The following BCAS3 variants were observed in gnomAD, a reference collection of about 807,000 sequenced individuals.
BCAS3 encodes BCAS3 microtubule associated cell migration factor.
BCAS3 carries 53 observed loss-of-function variants against 116.1 expected under a neutral mutation model. That is an observed-to-expected ratio of 0.46 (90% confidence interval 0.37 to 0.57). The LOEUF (loss-of-function observed/expected upper bound fraction) is 0.57, where lower values mean the gene tolerates loss of function less well. Among genes scored for constraint, BCAS3 ranks in the 20% least tolerant of loss-of-function variants. BCAS3 has a pLI of 0.00. For synonymous variants in BCAS3, 391 were observed against 408.2 expected (o/e 0.96, Z 0.51); for missense variants, 917 against 1,165.4 (o/e 0.79, Z 3.10).
At chr17:61,342,491 C>A (rs2057232549) in intron 22 of BCAS3, among the ~76,000 whole-genome samples, 1 of 152,152 alleles carries the variant, frequency 6.6e-6, no homozygotes, top group African/African-American at 2.4e-5. Flanking sequence ...GATCCTCAGG[C>A]CCAGTGAGTG....
In BCAS3 at chr17:61,391,717, G is replaced by T; in HGVS notation, c.2594-260G>T. The T allele has an allele frequency of 2.1e-6, 1 of 483,794 alleles. No individual in the cohort carries two copies. Among genetic ancestry groups the T allele is most frequent in the East Asian group, 3.7e-5 (1 of 27,036 alleles). The allele number at this position is 483,794 out of a possible 1,614,324, so 30.0% of individuals were successfully genotyped here. A position where few individuals can be genotyped will look rare whatever the true frequency, so the allele number is the denominator to read the frequency against. Reference sequence around the variant, plus strand: ...CACATCGTCAGGGTGGCCGTGCTTCGGGCCTAAAGGGCTTCCCGCAGCAGG... The same window carrying T: ...CACATCGTCAGGGTGGCCGTGCTTCTGGCCTAAAGGGCTTCCCGCAGCAGG... On this transcript the variant is annotated intron_variant, in intron 23 of 23. Coordinates refer to ENST00000407086, the MANE Select transcript of BCAS3 (RefSeq NM_017679.5). This position sits in a 1 kb window ranked among gnomAD's most constrained non-coding sequence, Gnocchi z 7.7.
chr17:60,711,193 A>AG (rs1172850666), intron 5 of BCAS3, among the ~76,000 whole-genome samples: 1 of 151,704 alleles, frequency 6.6e-6, no homozygotes, highest in African/African-American at 2.4e-5. Context: ...CGGAGATAGA[A>AG]GAATCGTGCT....
Position 61,248,201 on chromosome 17 carries a change from A to G in BCAS3, c.2426-120126A>G, listed in dbSNP as rs16945068. ...CACCAAGGGAACTTCTTCTGATCCT[A>G]TCTCTTTTGTAGGTGGTACCCTATT... On this transcript the variant is annotated intron_variant, in intron 22 of 23. Transcript: ENST00000407086. This position sits in a 1 kb window ranked among gnomAD's most constrained non-coding sequence, Gnocchi z 4.3. Among the ~76,000 whole-genome samples, 3,224 of 152,144 alleles carry G rather than the reference A, an allele frequency of 0.021. 56 individuals carry two copies. Among genetic ancestry groups the G allele is most frequent in the East Asian group, 0.1 (521 of 5,172 alleles).
intron 19 of BCAS3, among the ~76,000 whole-genome samples, chr17:61,045,865 AAATATATAT>A (rs2068039589): frequency 2.5e-4 from 1 of 3,960 alleles, no homozygotes; most frequent in Admixed American, 6.1e-3. Context: ...ATATATATAT[AAATATATAT>A]AAATATATAT....
chr17:61,085,463 T>G (rs1006851227), intron 22 of BCAS3, among the ~76,000 whole-genome samples: 3 of 152,200 alleles, frequency 2.0e-5, no homozygotes, highest in African/African-American at 7.2e-5. Flanking sequence ...CAAAACTGAT[T>G]TGTGAAGGTC....
chr17:61,116,578 T>C (rs1448958827), intron 22 of BCAS3, among the ~76,000 whole-genome samples: 2 of 152,234 alleles, frequency 1.3e-5, no homozygotes, highest in Non-Finnish European at 2.9e-5. Flanking sequence ...TTTTGCTTAC[T>C]ATGTTTTTTC....
chr17:60,886,560 C>A (rs1449530412), intron 9 of BCAS3: 1 of 151,158 alleles, frequency 6.6e-6, no homozygotes, highest in Non-Finnish European at 1.5e-5. Flanking sequence ...TCTGTTTTTT[C>A]CCCATCTTTG....
intron 22 of BCAS3, among the ~76,000 whole-genome samples, chr17:61,338,366 T>G (rs1049621357): frequency 6.6e-6 from 1 of 152,178 alleles, no homozygotes; most frequent in Non-Finnish European, 1.5e-5. Context: ...AACTGCCAAA[T>G]GGTGTTCTGA....
chr17:61,048,723 G>C (rs1307881561), intron 19 of BCAS3, among the ~76,000 whole-genome samples: 2 of 151,508 alleles, frequency 1.3e-5, no homozygotes, highest in Non-Finnish European at 3.0e-5. Context: ...TGGGATATCA[G>C]GGGAGATCTT....
chr17:61,011,114 A>T (rs887427364), intron 15 of BCAS3, among the ~76,000 whole-genome samples: 1 of 151,912 alleles, frequency 6.6e-6, no homozygotes, highest in African/African-American at 2.4e-5. Flanking sequence ...CACTTAAATA[A>T]CCTCTGTTCT....
At position 61,356,628 on chromosome 17, in the gene BCAS3, G is replaced by A. The variant is rs1029640721; in HGVS notation, c.2426-11699G>A. Among the ~76,000 whole-genome samples, 16 of 152,252 alleles carry A rather than the reference G, an allele frequency of 1.1e-4. No homozygotes were observed. The highest frequency in any genetic ancestry group is 1.6e-4 in the Non-Finnish European group (11 of 68,012). On this transcript the variant is annotated intron_variant, in intron 22 of 23. Coordinates refer to ENST00000407086, the MANE Select transcript of BCAS3 (RefSeq NM_017679.5). This position sits in a 1 kb window ranked among gnomAD's most constrained non-coding sequence, Gnocchi z 5.4. ...ATGAAAAGGTGTCTCCTAGGAAGCCGGGCCTGTTTATCCAGAGGTTAGTTG... is the reference window on the plus strand; with the variant it reads ...ATGAAAAGGTGTCTCCTAGGAAGCCAGGCCTGTTTATCCAGAGGTTAGTTG...
At chr17:60,978,364 G>A (rs1158676083) in intron 14 of BCAS3, among the ~76,000 whole-genome samples, 1 of 150,474 alleles carries the variant, frequency 6.6e-6, no homozygotes, top group Admixed American at 6.6e-5. Context: ...TTTTTTTCTT[G>A]TAAATTTGTT....
At chr17:60,711,149 ATT>A (rs200247197) in intron 5 of BCAS3, among the ~76,000 whole-genome samples, 2,264 of 141,750 alleles carry the variant, frequency 0.016, 44 homozygotes, top group African/African-American at 0.047. Flanking sequence ...AAGATGTGGG[ATT>A]TTTTTTTTTT....
At chr17:61,011,150 G>GA (rs77538421) in intron 15 of BCAS3, among the ~76,000 whole-genome samples, 10,659 of 151,926 alleles carry the variant, frequency 0.07, 1,132 homozygotes, top group African/African-American at 0.23. Context: ...TGCAATAAAG[G>GA]AAAAAATAGA....
intron 7 of BCAS3, among the ~76,000 whole-genome samples, chr17:60,813,209 G>A (rs141641677): frequency 7.9e-5 from 12 of 151,520 alleles, no homozygotes; most frequent in South Asian, 4.2e-4. Context: ...GGCATATTCC[G>A]TCTATAGACT....
At chr17:61,207,333 G>T (rs1242393635) in intron 22 of BCAS3, among the ~76,000 whole-genome samples, 1 of 152,038 alleles carries the variant, frequency 6.6e-6, no homozygotes, top group Non-Finnish European at 1.5e-5. Flanking sequence ...AATATTTCTA[G>T]ATGAAGATAT....
chr17:60,728,105 G>A (rs900562700), intron 5 of BCAS3, among the ~76,000 whole-genome samples: 2 of 151,964 alleles, frequency 1.3e-5, no homozygotes, highest in Non-Finnish European at 1.5e-5. Flanking sequence ...CACCGTACCC[G>A]GCCTGGTTTT....
chr17:61,295,571 A>G (rs565733746), intron 22 of BCAS3, among the ~76,000 whole-genome samples: 6 of 152,250 alleles, frequency 3.9e-5, no homozygotes, highest in African/African-American at 1.4e-4. Flanking sequence ...TTGTTCAGGT[A>G]TTTACCTGGT....
At chr17:61,069,999 A>G in intron 19 of BCAS3, 1 of 1,592,332 alleles carries the variant, frequency 6.3e-7, no homozygotes, top group Non-Finnish European at 8.5e-7. Context: ...TCCGCACGTC[A>G]CCCACCTTCC....
Sources: gnomAD v4.1 joint callset for allele counts (sites outside exome capture counted in the v4.1 genomes callset) on GRCh38, gnomAD v4.1.1 for gene constraint, Gnocchi (gnomAD v3.1) non-coding constraint, MANE v1.5 for transcripts, NCBI Gene and HGNC (gene_info 2026-07-23, HGNC 2026-07-21) for gene names.